The following APBB2 variants were observed in gnomAD, a reference collection of about 807,000 sequenced individuals.
The protein encoded by APBB2 is amyloid beta precursor protein binding family B member 2, also known as Fe65-like 1.
In APBB2, 38 loss-of-function variants were observed where a neutral mutation model predicts 82.5. That is an observed-to-expected ratio of 0.46 (90% CI 0.36 to 0.60). APBB2 has a LOEUF of 0.60. Among genes scored for constraint, APBB2 ranks in the 20% least tolerant of loss-of-function variants. The probability of loss-of-function intolerance (pLI) is 0.00; values close to 1 mark genes in which losing one functional copy is unlikely to be tolerated. For synonymous variants in APBB2, 341 were observed against 368.2 expected, an observed-to-expected ratio of 0.93 and a Z score of 0.85; for missense variants, 772 against 972.3, an observed-to-expected ratio of 0.79 and a Z score of 2.74.
intron 10 of APBB2, among the ~76,000 whole-genome samples, chr4:40,926,404 C>G (rs1273697535): frequency 6.6e-6 from 1 of 152,178 alleles, no homozygotes; most frequent in Admixed American, 6.5e-5. Flanking sequence ...TTCACCCATT[C>G]CCACCTCCAA....
At chr4:40,870,745 T>A (rs547084533) in intron 12 of APBB2, among the ~76,000 whole-genome samples, 29 of 151,416 alleles carry the variant, frequency 1.9e-4, no homozygotes, top group Non-Finnish European at 3.4e-4. Flanking sequence ...TTTTTTTTTT[T>A]TTTTTTGGAG....
At chr4:41,005,277 A>G (rs1192573109) in intron 6 of APBB2, among the ~76,000 whole-genome samples, 1 of 152,110 alleles carries the variant, frequency 6.6e-6, no homozygotes, top group African/African-American at 2.4e-5. Flanking sequence ...TTTAGTAGAG[A>G]CAGGGTTTCA....
intron 6 of APBB2, among the ~76,000 whole-genome samples, chr4:40,977,033 G>A (rs897928158): frequency 1.3e-5 from 2 of 150,558 alleles, no homozygotes; most frequent in Non-Finnish European, 2.9e-5. Context: ...TGGTGACAGA[G>A]ACTTTGTCTC....
At chr4:41,035,057 G>A (rs1397817083) in intron 4 of APBB2, among the ~76,000 whole-genome samples, 2 of 152,170 alleles carry the variant, frequency 1.3e-5, no homozygotes, top group Non-Finnish European at 1.5e-5. Flanking sequence ...AGAATGTCAT[G>A]TTTTTTTCAT....
At chr4:41,129,601 T>G (rs375315149) in intron 2 of APBB2, among the ~76,000 whole-genome samples, 6 of 152,330 alleles carry the variant, frequency 3.9e-5, no homozygotes, top group East Asian at 1.9e-4. Context: ...GCAGGGCTTG[T>G]GTCTTTGCTT....
chr4:40,992,840 C>T (rs1433989004), intron 6 of APBB2, among the ~76,000 whole-genome samples: 1 of 152,130 alleles, frequency 6.6e-6, no homozygotes, highest in African/African-American at 2.4e-5. Context: ...AACCACAGGG[C>T]CGGATGGAGA....
At chr4:40,905,725 G>A (rs1776526505) in intron 10 of APBB2, among the ~76,000 whole-genome samples, 1 of 152,224 alleles carries the variant, frequency 6.6e-6, no homozygotes, top group African/African-American at 2.4e-5. Flanking sequence ...TGGGGGCTGA[G>A]ATGACATTCG....
At chr4:40,940,982 T>C (rs1786737928) in intron 7 of APBB2, among the ~76,000 whole-genome samples, 2 of 152,248 alleles carry the variant, frequency 1.3e-5, no homozygotes, top group Admixed American at 6.5e-5. Flanking sequence ...CTTTCAAAAA[T>C]ACTGCTGGCA....
chr4:40,976,465 T>C (rs1053407767), intron 6 of APBB2, among the ~76,000 whole-genome samples: 8 of 152,226 alleles, frequency 5.3e-5, no homozygotes, highest in Non-Finnish European at 1.0e-4. Context: ...AACTCTAAGG[T>C]TAGCTAAGGT....
chr4:41,147,345 G>A (rs1205243433), intron 1 of APBB2, among the ~76,000 whole-genome samples: 1 of 152,116 alleles, frequency 6.6e-6, no homozygotes, highest in Non-Finnish European at 1.5e-5. Flanking sequence ...AACTGGATTT[G>A]ATTCATAGAT....
chr4:41,201,997 G>C (rs1409795012), intron 1 of APBB2, among the ~76,000 whole-genome samples: 1 of 152,216 alleles, frequency 6.6e-6, no homozygotes. Flanking sequence ...CCGCTCCTCG[G>C]AGCTTCAGAC....
intron 1 of APBB2, among the ~76,000 whole-genome samples, chr4:41,170,117 G>A (rs1221995744): frequency 6.6e-6 from 1 of 152,240 alleles, no homozygotes; most frequent in Non-Finnish European, 1.5e-5. Flanking sequence ...TCTCTGCTAA[G>A]TGAGGTGTTA....
chr4:41,108,151 C>T (rs1237685998), intron 2 of APBB2, among the ~76,000 whole-genome samples: 2 of 151,780 alleles, frequency 1.3e-5, no homozygotes, highest in Non-Finnish European at 1.5e-5. Flanking sequence ...GACACAGACA[C>T]AAAAAAACAG....
intron 1 of APBB2, among the ~76,000 whole-genome samples, chr4:41,205,143 G>A (rs191515207): frequency 3.3e-5 from 5 of 152,306 alleles, no homozygotes; most frequent in East Asian, 3.9e-4. Context: ...TTCAAATCCT[G>A]CTGACATAGT....
intron 6 of APBB2, among the ~76,000 whole-genome samples, chr4:40,997,905 G>C (rs971606344): frequency 1.3e-5 from 2 of 152,142 alleles, no homozygotes; most frequent in Non-Finnish European, 2.9e-5. Context: ...GCATACTGAA[G>C]TAGGGCTGTC....
chr4:40,846,676 T>TA (rs1222735656), intron 12 of APBB2, among the ~76,000 whole-genome samples: 1 of 152,194 alleles, frequency 6.6e-6, no homozygotes, highest in African/African-American at 2.4e-5. Flanking sequence ...ATGGGAAAGT[T>TA]AGACTTCCAG....
At chr4:41,172,285 C>T in intron 1 of APBB2, among the ~76,000 whole-genome samples, 1 of 151,600 alleles carries the variant, frequency 6.6e-6, no homozygotes, top group Non-Finnish European at 1.5e-5. Context: ...GGGCTTAATG[C>T]AAACCGTACC....
chr4:40,947,336 T>C (rs1031506658), intron 6 of APBB2, among the ~76,000 whole-genome samples: 1 of 152,240 alleles, frequency 6.6e-6, no homozygotes, highest in Non-Finnish European at 1.5e-5. Flanking sequence ...CTGTGGTTTA[T>C]GAGGACTGGA....
At position 41,165,474 on chromosome 4, in the gene APBB2, G is replaced by T. The variant is rs188497523; in HGVS notation, c.-416-22332C>A. ...AGTACCCCGATAGTTCTCAGAATCG[G>T]TTTTTTCTCTCTCTCTTCTTATCTC... On this transcript the variant is annotated intron_variant, in intron 1 of 17. Coordinates refer to ENST00000508593, the MANE Select transcript of APBB2 (RefSeq NM_004307.2). Among the ~76,000 whole-genome samples the T allele has an allele frequency of 2.3e-3, 347 of 152,226 alleles. 1 individual carries two copies. Among genetic ancestry groups the T allele is most frequent in the African/African-American group, 8.0e-3 (334 of 41,524 alleles).
Sources: allele counts gnomAD v4.1 joint callset (sites outside exome capture counted in the v4.1 genomes callset), GRCh38; gene constraint gnomAD v4.1.1; transcripts MANE v1.5; gene names NCBI Gene and HGNC (gene_info 2026-07-23, HGNC 2026-07-21).